The following MCUB variants were observed in gnomAD, a reference collection of about 807,000 sequenced individuals.
MCUB encodes the protein mitochondrial calcium uniporter dominant negative subunit beta.
MCUB carries 46 observed loss-of-function variants against 41.4 expected under a neutral mutation model. The ratio of observed to expected loss-of-function variants is 1.11; its 90% CI spans 0.88 to 1.42. MCUB has a LOEUF of 1.42. Among genes scored for constraint, MCUB ranks in the 40% most tolerant of loss-of-function variants. The pLI, the probability that MCUB is intolerant of heterozygous loss-of-function variation, is 0.00. For missense variants in MCUB, 403 were observed against 404.9 expected (o/e 1.00, Z 0.04); for synonymous variants, 148 against 148.2 (o/e 1.00, Z 0.01).
At chr4:109,601,270 C>A (rs1727727019) in intron 1 of MCUB, among the ~76,000 whole-genome samples, 1 of 151,996 alleles carries the variant, frequency 6.6e-6, no homozygotes, top group African/African-American at 2.4e-5. Flanking sequence ...ATAAACAACC[C>A]AGTTATACTC....
rs143622130 is a variant in MCUB, at chr4:109,659,696, A to G, written c.176-499A>G. Among the ~76,000 whole-genome samples the G allele has an allele frequency of 7.0e-4, 107 of 152,308 alleles. 2 individuals are homozygous for G. In the East Asian group the frequency reaches 0.015, roughly 22 times the overall value. On this transcript the variant is annotated intron_variant, in intron 2 of 7. Transcript: ENST00000394650. ...CATTTAATCAGGGTCTAGCTGTGTC[A>G]CTCAGGCTGGAGTGCAGTGGCACGA...
intron 1 of MCUB, among the ~76,000 whole-genome samples, chr4:109,641,293 A>C: frequency 6.9e-6 from 1 of 144,570 alleles, no homozygotes; most frequent in Admixed American, 7.0e-5. Flanking sequence ...TTTAGTAGAG[A>C]CGGGTTTTCA....
chr4:109,597,128 A>G (rs1260892693), intron 1 of MCUB, among the ~76,000 whole-genome samples: 12 of 150,560 alleles, frequency 8.0e-5, no homozygotes, highest in African/African-American at 2.7e-4. Flanking sequence ...TCCCATGTCT[A>G]CTTCTTTCTA....
intron 1 of MCUB, among the ~76,000 whole-genome samples, chr4:109,627,375 G>A (rs1023741315): frequency 6.6e-6 from 1 of 152,140 alleles, no homozygotes; most frequent in Non-Finnish European, 1.5e-5. Context: ...CATGATTTCA[G>A]GGAATTGAAA....
At chr4:109,564,128 ATTTC>A (rs1726714913) in intron 1 of MCUB, among the ~76,000 whole-genome samples, 1 of 151,118 alleles carries the variant, frequency 6.6e-6, no homozygotes, top group Non-Finnish European at 1.5e-5. Context: ...GGCTATATGC[ATTTC>A]TTTCTTTTCT....
chr4:109,577,969 C>T (rs904288546), intron 1 of MCUB, among the ~76,000 whole-genome samples: 1 of 152,048 alleles, frequency 6.6e-6, no homozygotes. Flanking sequence ...ACAAAAGTGA[C>T]CTAGCCACAT....
At chr4:109,593,700 A>G (rs1727491838) in intron 1 of MCUB, among the ~76,000 whole-genome samples, 2 of 152,364 alleles carry the variant, frequency 1.3e-5, no homozygotes, top group East Asian at 1.9e-4. Flanking sequence ...AACATTGCCA[A>G]TGCAACATAC....
intron 4 of MCUB, among the ~76,000 whole-genome samples, chr4:109,681,656 A>G (rs540004721): frequency 1.3e-5 from 2 of 152,180 alleles, no homozygotes; most frequent in Admixed American, 1.3e-4. Context: ...ATTAGGACAA[A>G]CCCAGGCACT....
chr4:109,676,355 A>C (rs1325765978), intron 4 of MCUB, among the ~76,000 whole-genome samples: 1 of 152,210 alleles, frequency 6.6e-6, no homozygotes, highest in East Asian at 1.9e-4. Flanking sequence ...TGTGGCCAAC[A>C]TAGTGAAACC....
At chr4:109,673,048 A>G (rs1729494970) in intron 4 of MCUB, among the ~76,000 whole-genome samples, 1 of 152,262 alleles carries the variant, frequency 6.6e-6, no homozygotes, top group South Asian at 2.1e-4. Flanking sequence ...ACTCATTTCA[A>G]CACTTACAAA....
rs146969009 is a variant in MCUB at position 109,595,304 on chromosome 4, T to A, written c.99+34868T>A. 2.7e-3 allele frequency among the ~76,000 whole-genome samples: 409 copies of A among 152,236 alleles called. 3 individuals are homozygous for A. The highest frequency in any genetic ancestry group is 9.6e-3 in the African/African-American group (399 of 41,540). The stretch of plus-strand genomic sequence containing the variant: ...GGAGTGAGGTAGTGCAGGGGAGAGA[T>A]GATAATTAACCACGGAATCTGCACT... On this transcript the variant is annotated intron_variant, in intron 1 of 7. Transcript: ENST00000394650.
At chr4:109,601,084 C>T (rs890753334) in intron 1 of MCUB, among the ~76,000 whole-genome samples, 5 of 149,012 alleles carry the variant, frequency 3.4e-5, no homozygotes, top group African/African-American at 1.2e-4. Context: ...TGAGCTACCG[C>T]ACCCGGCCTA....
At chr4:109,679,499 A>G (rs890210032) in intron 4 of MCUB, among the ~76,000 whole-genome samples, 7 of 152,244 alleles carry the variant, frequency 4.6e-5, no homozygotes, top group African/African-American at 1.7e-4. Flanking sequence ...TACAAAAACC[A>G]GTCAGGAGTG....
chr4:109,630,173 A>T (rs917403735), intron 1 of MCUB, among the ~76,000 whole-genome samples: 31 of 152,154 alleles, frequency 2.0e-4, no homozygotes, highest in African/African-American at 7.2e-4. Context: ...ATTAAAAAAG[A>T]ATTCTTGTTG....
chr4:109,588,685 A>G (rs1727367593), intron 1 of MCUB, among the ~76,000 whole-genome samples: 1 of 152,170 alleles, frequency 6.6e-6, no homozygotes, highest in Admixed American at 6.5e-5. Context: ...CTCTCCTGAA[A>G]AACTGACATC....
chr4:109,625,620 G>A (rs1728344439), intron 1 of MCUB, among the ~76,000 whole-genome samples: 1 of 152,102 alleles, frequency 6.6e-6, no homozygotes, highest in Non-Finnish European at 1.5e-5. Context: ...ACTTACAGTG[G>A]GTTCTTGGAA....
chr4:109,566,331 T>G (rs943743015), intron 1 of MCUB, among the ~76,000 whole-genome samples: 7 of 150,984 alleles, frequency 4.6e-5, no homozygotes, highest in Admixed American at 1.3e-4. Flanking sequence ...TAAGCCGGGC[T>G]TGGTGGCGGG....
chr4:109,648,687 C>G (rs1445087350), intron 1 of MCUB: 3 of 327,730 alleles, frequency 9.2e-6, no homozygotes, highest in Middle Eastern at 1.5e-3. Flanking sequence ...TCCTATATAG[C>G]AGTTTGATTT....
chr4:109,598,744 A>T (rs1443532096), intron 1 of MCUB, among the ~76,000 whole-genome samples: 1 of 152,226 alleles, frequency 6.6e-6, no homozygotes, highest in Non-Finnish European at 1.5e-5. Flanking sequence ...GTCCGAGAAC[A>T]TCAAGCTGAG....
Sources: gnomAD v4.1 joint callset for allele counts (sites outside exome capture counted in the v4.1 genomes callset) on GRCh38, gnomAD v4.1.1 for gene constraint, MANE v1.5 for transcripts, NCBI Gene and HGNC (gene_info 2026-07-23, HGNC 2026-07-21) for gene names.